The following OPHN1 variants were observed in gnomAD, a reference collection of about 807,000 sequenced individuals.
The protein encoded by OPHN1 is oligophrenin 1, also known as oligophrenin-1.
OPHN1 carries 11 observed loss-of-function variants against 60.7 expected under a neutral mutation model. That is an observed-to-expected ratio of 0.18 (90% CI 0.11 to 0.30). OPHN1 has a LOEUF of 0.30. OPHN1 is among the 10% of genes least tolerant of loss of function. The pLI is 1.00. For synonymous variants in OPHN1, 226 were observed against 222.6 expected, an observed-to-expected ratio of 1.02 and a Z score of -0.14; for missense variants, 449 against 611.0, an observed-to-expected ratio of 0.73 and a Z score of 2.80.
chrX:68,389,540 C>T (rs1259099011), intron 2 of OPHN1, among the ~76,000 whole-genome samples: 1 of 103,729 alleles, frequency 9.6e-6, no homozygotes. Flanking sequence ...GCACTCCAGC[C>T]TGGGCAACAG....
chrX:68,112,239 G>T, intron 17 of OPHN1: 1 of 227,305 alleles, frequency 4.4e-6, no homozygotes. Context: ...AAAGAAAAAA[G>T]GCAGAAAAAG....
intron 15 of OPHN1, among the ~76,000 whole-genome samples, chrX:68,168,079 C>T (rs2077368396): frequency 1.8e-5 from 2 of 110,933 alleles, no homozygotes; most frequent in East Asian, 2.8e-4. Context: ...CCACTGTCAA[C>T]ATTAGACAGA....
intron 15 of OPHN1, among the ~76,000 whole-genome samples, chrX:68,160,690 T>C (rs1288910752): frequency 3.6e-5 from 4 of 111,254 alleles, no homozygotes; most frequent in East Asian, 2.8e-4. Flanking sequence ...CATCAAATAA[T>C]ATTACAATGA....
intron 2 of OPHN1, among the ~76,000 whole-genome samples, chrX:68,328,909 G>A (rs757071616): frequency 8.9e-6 from 1 of 112,014 alleles, no homozygotes; most frequent in South Asian, 3.7e-4. Flanking sequence ...TTTAAGGTCT[G>A]GCCATTTCAA....
At chrX:68,051,906 T>C (rs937403035) in intron 23 of OPHN1, among the ~76,000 whole-genome samples, 2 of 110,859 alleles carry the variant, frequency 1.8e-5, no homozygotes, top group African/African-American at 6.6e-5. Flanking sequence ...CAGAGACATA[T>C]AGAGTGACAT....
chrX:68,093,035 C>T (rs899165325), intron 19 of OPHN1, among the ~76,000 whole-genome samples: 17 of 110,773 alleles, frequency 1.5e-4, no homozygotes, highest in Non-Finnish European at 1.1e-4. Context: ...CATGATCTGA[C>T]CACCAAATGC....
chrX:68,154,761 T>A (rs1452953737), intron 15 of OPHN1, among the ~76,000 whole-genome samples: 3 of 110,787 alleles, frequency 2.7e-5, no homozygotes, highest in African/African-American at 9.9e-5. Flanking sequence ...AGGTCAGAGG[T>A]TACAGGTATT....
In OPHN1 at chrX:68,317,536, AAAAAAAGAAAGAAAGAAAGAAAG is replaced by A. The variant is rs1569278362; in HGVS notation, c.155-18463_155-18441del. On this transcript the variant is annotated intron_variant, in intron 2 of 24. Transcript: ENST00000355520. ...GAGAGAGAGAAAGAAAGAAAGAAAG[AAAAAAAGAAAGAAAGAAAGAAAG>A]AAAGAAAGAAAGAAAGAGAAAGAAA... Among the ~76,000 whole-genome samples, 14 of 72,238 alleles carry A rather than the reference AAAAAAAGAAAGAAAGAAAGAAAG, an allele frequency of 1.9e-4. No individual in the cohort carries two copies. In the East Asian group the frequency reaches 2.4e-3, roughly 13 times the overall value. The allele number at this position is 72,238 out of a possible 115,157, so 62.7% of individuals were successfully genotyped here. A position where few individuals can be genotyped will look rare whatever the true frequency, so the allele number is the denominator to read the frequency against.
intron 20 of OPHN1, 65 bp from the exon 21 acceptor site, chrX:68,064,242 C>A: frequency 1.9e-6 from 2 of 1,043,017 alleles, no homozygotes; most frequent in South Asian, 1.9e-5. Context: ...CATTTTGATA[C>A]ATGCATACAT....
intron 15 of OPHN1, among the ~76,000 whole-genome samples, chrX:68,169,662 C>CA (rs959817126): frequency 9.1e-6 from 1 of 109,998 alleles, no homozygotes; most frequent in Admixed American, 9.7e-5. Flanking sequence ...ACAAACCTCA[C>CA]AAAAACAAGC....
intron 2 of OPHN1, among the ~76,000 whole-genome samples, chrX:68,394,899 G>A (rs2078675137): frequency 9.0e-6 from 1 of 111,399 alleles, no homozygotes; most frequent in Non-Finnish European, 1.9e-5. Flanking sequence ...ACTCACCTCG[G>A]CCTCCCAAAG....
At chrX:68,238,312 C>G (rs2077762784) in intron 5 of OPHN1, among the ~76,000 whole-genome samples, 1 of 110,731 alleles carries the variant, frequency 9.0e-6, no homozygotes, top group Non-Finnish European at 1.9e-5. Context: ...TTCTGTTTGA[C>G]TAGCCTTCTG....
chrX:68,250,322 C>A (rs1247938206), intron 5 of OPHN1, among the ~76,000 whole-genome samples: 1 of 112,429 alleles, frequency 8.9e-6, no homozygotes, highest in East Asian at 2.8e-4. Flanking sequence ...ACTAATGTTT[C>A]AATGCCAAGC....
intron 2 of OPHN1, among the ~76,000 whole-genome samples, chrX:68,377,663 G>C (rs776551715): frequency 9.3e-6 from 1 of 107,745 alleles, no homozygotes. Context: ...TCCCACCTAC[G>C]AGTGAGAATA....
chrX:68,201,834 G>A (rs1384137589), intron 10 of OPHN1, 124 bp from the exon 11 acceptor site: 1 of 543,615 alleles, frequency 1.8e-6, no homozygotes, highest in East Asian at 3.3e-5. Flanking sequence ...GCAATGTGTA[G>A]ACTCACTGAG....
chrX:68,225,173 G>A lies in OPHN1; in HGVS notation c.486+9314C>T, dbSNP rs768063897. 6.3e-5 allele frequency among the ~76,000 whole-genome samples: 7 copies of A among 111,977 alleles called. No individual in the cohort carries two copies. In the East Asian group the frequency reaches 2.0e-3, roughly 32 times the overall value. On this transcript the variant is annotated intron_variant, in intron 6 of 24. Coordinates refer to ENST00000355520, the MANE Select transcript of OPHN1 (RefSeq NM_002547.3). ...CTGCAAGGCAGCAGCGAGGCTGGGG[G>A]AGGGTCGTCCGCCATTACTGAGGCT... is the stretch of plus-strand genomic sequence containing the variant.
intron 5 of OPHN1, among the ~76,000 whole-genome samples, chrX:68,264,011 C>T (rs1346992515): frequency 9.0e-6 from 1 of 111,410 alleles, no homozygotes; most frequent in Non-Finnish European, 1.9e-5. Context: ...GTTAATTACC[C>T]TCAGAATCTC....
chrX:68,344,881 A>G (rs1569286880), intron 2 of OPHN1, among the ~76,000 whole-genome samples: 1 of 111,802 alleles, frequency 8.9e-6, no homozygotes, highest in East Asian at 2.8e-4. Context: ...AAATTATTAT[A>G]ACCTATGACA....
Position 68,432,856 on chromosome X carries a change from C to G in OPHN1, c.154+11G>C. ...GCTCAGAGAAACAGCTCATCGAAGC[C>G]TTGCACTTACTTCTCATAGCGCTGA... On this transcript the variant is annotated intron_variant, in intron 2 of 24. Coordinates refer to ENST00000355520, the MANE Select transcript of OPHN1 (RefSeq NM_002547.3). 1 of 1,211,227 alleles carries G rather than the reference C, an allele frequency of 8.3e-7. No individual in the cohort carries two copies.
Sources: gnomAD v4.1 joint callset for allele counts (sites outside exome capture counted in the v4.1 genomes callset) on GRCh38, gnomAD v4.1.1 for gene constraint, MANE v1.5 for transcripts, NCBI Gene and HGNC (gene_info 2026-07-23, HGNC 2026-07-21) for gene names.